Variants in ATP9B observed in about 807,000 individuals in gnomAD.
The protein encoded by ATP9B is ATPase phospholipid transporting 9B.
A neutral mutation model predicts 146.1 loss-of-function variants in ATP9B; 110 were observed. The observed-to-expected ratio is 0.75, with a 90% CI of 0.65 to 0.88. ATP9B has a LOEUF of 0.88. Ranked by LOEUF, ATP9B falls within the 40% of genes least tolerant of loss-of-function variation. ATP9B has a pLI of 0.00. For synonymous variants in ATP9B, 604 were observed against 569.7 expected, an observed-to-expected ratio of 1.06 and a Z score of -0.86; for missense variants, 1,499 against 1,496.4, an observed-to-expected ratio of 1.00 and a Z score of -0.03.
intron 2 of ATP9B, 121 bp downstream of exon 2, chr18:79,096,770 C>A: frequency 1.2e-6 from 1 of 809,488 alleles, no homozygotes; most frequent in Non-Finnish European, 1.9e-6. Context: ...TAAATGATAT[C>A]ATGGAGATTA....
chr18:79,266,595 C>A (rs2096206424), intron 12 of ATP9B, among the ~76,000 whole-genome samples: 1 of 151,922 alleles, frequency 6.6e-6, no homozygotes, highest in Non-Finnish European at 1.5e-5. Flanking sequence ...TTTATAGAAG[C>A]CTTTTAATGC....
At chr18:79,166,984 G>A (rs1039425540) in intron 7 of ATP9B, among the ~76,000 whole-genome samples, 1 of 152,208 alleles carries the variant, frequency 6.6e-6, no homozygotes, top group Non-Finnish European at 1.5e-5. Context: ...TGCCGGCTCT[G>A]TGTGAGGCTG....
In ATP9B at chr18:79,099,602, T is replaced by TA. The variant is rs1396818877; in HGVS notation, c.293+2954dup. Among the ~76,000 whole-genome samples the TA allele has an allele frequency of 3.3e-5, 5 of 152,092 alleles. No individual in the cohort carries two copies. The South Asian group carries it at 1.0e-3, about 32-fold the overall frequency. On this transcript the variant is annotated intron_variant, in intron 2 of 29. Transcript: ENST00000426216. ...AACTATGTTGCTTGATTTCCAAAGTTAGAGATTTTTCCTAGTTAACTTTTT... is the reference window on the plus strand; with the variant it reads ...AACTATGTTGCTTGATTTCCAAAGTTAAGAGATTTTTCCTAGTTAACTTTTT...
chr18:79,120,635 CAG>C (rs1221393621), intron 4 of ATP9B, among the ~76,000 whole-genome samples: 3 of 152,120 alleles, frequency 2.0e-5, no homozygotes. Context: ...CTTGTGTAAT[CAG>C]AGTAACAAAA....
Position 79,329,246 on chromosome 18 carries a change from A to G in ATP9B, c.1879A>G (p.Ile627Val). The change falls in exon 16 of 30, where the codon ATT becomes GTT. Residue 627 changes from isoleucine to valine, a missense_variant. Physicochemically the swap from Ile to Val is conservative, Grantham distance 29. Transcript: ENST00000426216. ...TPSGQVLSFCILQLFPFTSES... is the reference protein window; with the variant it reads ...TPSGQVLSFCVLQLFPFTSES... ...CAGTGGCCAGGTCCTCAGCTTCTGC[A>G]TTCTGCAGCTGTTTCCCTTCACCTC... 1 of 1,612,862 alleles carries G rather than the reference A, an allele frequency of 6.2e-7. No individual in the cohort carries two copies. The highest frequency in any genetic ancestry group is 1.3e-5 in the African/African-American group (1 of 74,984).
chr18:79,193,621 A>G (rs1426016246), intron 9 of ATP9B, among the ~76,000 whole-genome samples: 8 of 152,158 alleles, frequency 5.3e-5, no homozygotes, highest in Non-Finnish European at 5.9e-5. Context: ...GGGTATTTAT[A>G]TATATGTGAG....
At chr18:79,175,010 C>T (rs1369977800) in intron 7 of ATP9B, among the ~76,000 whole-genome samples, 1 of 151,874 alleles carries the variant, frequency 6.6e-6, no homozygotes, top group African/African-American at 2.4e-5. Flanking sequence ...ACCATCCTGG[C>T]CAACATGGTG....
intron 13 of ATP9B, among the ~76,000 whole-genome samples, chr18:79,286,096 T>C (rs2096437574): frequency 6.6e-6 from 1 of 151,454 alleles, no homozygotes; most frequent in Non-Finnish European, 1.5e-5. Context: ...GACTTGGCGA[T>C]GCGGGCTCTT....
chr18:79,191,815 C>G (rs2095369517), intron 8 of ATP9B, among the ~76,000 whole-genome samples: 2 of 152,148 alleles, frequency 1.3e-5, no homozygotes, highest in South Asian at 2.1e-4. Context: ...TGATCATGTT[C>G]TTTCTTGATT....
At position 79,312,577 on chromosome 18, in the gene ATP9B, C is replaced by A. The variant is rs193003125; in HGVS notation, c.1773+5343C>A. 7.2e-5 allele frequency among the ~76,000 whole-genome samples: 11 copies of A among 152,342 alleles called. No individual in the cohort carries two copies. The East Asian group carries it at 1.5e-3, about 21-fold the overall frequency. ...TGAGTAGCAGGCTTTATCTTCCTTA[C>A]GCCACATCTGCCTTCTTTTCAGGGG... On this transcript the variant is annotated intron_variant, in intron 15 of 29. Coordinates refer to ENST00000426216, the MANE Select transcript of ATP9B (RefSeq NM_198531.5).
chr18:79,113,402 T>G (rs1410090789), intron 4 of ATP9B, 48 bp downstream of exon 4: 1 of 1,195,104 alleles, frequency 8.4e-7, no homozygotes, highest in Non-Finnish European at 1.2e-6. Context: ...ATATTTAGAA[T>G]ATAGTTTTAA....
chr18:79,294,652 G>A (rs2096534765), intron 13 of ATP9B, among the ~76,000 whole-genome samples: 1 of 152,212 alleles, frequency 6.6e-6, no homozygotes, highest in Admixed American at 6.5e-5. Flanking sequence ...TATGACACAC[G>A]AGACACCTGG....
intron 1 of ATP9B, among the ~76,000 whole-genome samples, chr18:79,075,457 C>T (rs777550287): frequency 1.3e-5 from 2 of 152,120 alleles, no homozygotes; most frequent in South Asian, 4.1e-4. Flanking sequence ...AGAGTTTTAT[C>T]AATTGTTGTT....
chr18:79,228,414 A>G (rs2148551045), intron 11 of ATP9B, among the ~76,000 whole-genome samples: 1 of 152,368 alleles, frequency 6.6e-6, no homozygotes, highest in South Asian at 2.1e-4. Flanking sequence ...TGTGAAGCCA[A>G]GGGAAGAAAC....
intron 14 of ATP9B, 63 bp from the exon 15 acceptor site, chr18:79,306,923 C>A: frequency 1.3e-6 from 2 of 1,552,950 alleles, no homozygotes; most frequent in Admixed American, 1.8e-5. Context: ...GTTAATAATT[C>A]CATGTTAACT....
At chr18:79,321,003 T>C (rs2068647) in intron 15 of ATP9B, among the ~76,000 whole-genome samples, 22,165 of 152,202 alleles carry the variant, frequency 0.15, 2,196 homozygotes, top group East Asian at 0.41. Flanking sequence ...CTCAAACTTA[T>C]CAATCCTTTA....
chr18:79,265,704 G>T (rs1175422222), intron 12 of ATP9B, among the ~76,000 whole-genome samples: 1 of 151,964 alleles, frequency 6.6e-6, no homozygotes, highest in Non-Finnish European at 1.5e-5. Flanking sequence ...AGTTTATTGA[G>T]ATCTCATTTG....
intron 9 of ATP9B, among the ~76,000 whole-genome samples, chr18:79,195,956 C>G (rs1483576437): frequency 6.6e-6 from 1 of 152,136 alleles, no homozygotes; most frequent in African/African-American, 2.4e-5. Context: ...ACAAGGATGT[C>G]TGAAGGTACA....
At chr18:79,349,544 T>G (rs2096910709) in intron 25 of ATP9B, among the ~76,000 whole-genome samples, 1 of 152,224 alleles carries the variant, frequency 6.6e-6, no homozygotes, top group Admixed American at 6.5e-5. Flanking sequence ...CATAGCTGTT[T>G]CTAGTCCGCA....
Sources: gnomAD v4.1 joint callset for allele counts (sites outside exome capture counted in the v4.1 genomes callset) on GRCh38, gnomAD v4.1.1 for gene constraint, MANE v1.5 for transcripts, NCBI Gene and HGNC (gene_info 2026-07-23, HGNC 2026-07-21) for gene names.